Variants in ADCY5 observed in about 807,000 individuals in gnomAD.
The protein encoded by ADCY5 is adenylate cyclase type 5.
In ADCY5, 30 loss-of-function variants were observed where a neutral mutation model predicts 119.7. That is an observed-to-expected ratio of 0.25 (90% CI 0.19 to 0.34). The LOEUF is 0.34. Among genes scored for constraint, ADCY5 ranks in the 10% least tolerant of loss-of-function variants. ADCY5 has a pLI of 1.00. For synonymous variants in ADCY5, 753 were observed against 762.2 expected, an observed-to-expected ratio of 0.99 and a Z score of 0.20; for missense variants, 1,324 against 1,775.2, an observed-to-expected ratio of 0.75 and a Z score of 4.57.
intron 1 of ADCY5, among the ~76,000 whole-genome samples, chr3:123,383,887 T>C (rs1418789578): frequency 6.8e-6 from 1 of 146,250 alleles, no homozygotes; most frequent in Non-Finnish European, 1.5e-5. Flanking sequence ...ACACACACTC[T>C]TCCTCAAGGT....
At position 123,291,164 on chromosome 3, in the gene ADCY5, C is replaced by G; in HGVS notation, c.3276G>C (p.Glu1092Asp). 6.2e-7 allele frequency: 1 copy of G among 1,614,116 alleles called. No individual in the cohort carries two copies. Among genetic ancestry groups the G allele is most frequent in the Non-Finnish European group, 8.5e-7 (1 of 1,180,038 alleles). Residue 1092 changes from glutamate to aspartate, a missense_variant, in exon 18 of 21, where the codon GAG becomes GAC. By Grantham distance (45) the Glu-to-Asp change is conservative. This residue lies in a region of ADCY5 where 178 missense variants were observed against 329.6 expected (regional missense o/e 0.54). Transcript: ENST00000462833. Reference protein sequence around the residue: ...EFYVELEANNEGVECLRLLNE... With the variant: ...EFYVELEANNDGVECLRLLNE... The stretch of plus-strand genomic sequence containing the variant: ...TGAGTAGCCGCAGGCACTCGACACC[C>G]TCGTTGTTGGCCTCCAGCTCAACGT...
chr3:123,411,927 C>G (rs1237191244), intron 1 of ADCY5, among the ~76,000 whole-genome samples: 1 of 152,188 alleles, frequency 6.6e-6, no homozygotes, highest in African/African-American at 2.4e-5. Flanking sequence ...ATCCCCGCAG[C>G]CTGTGGGCCC....
chr3:123,396,799 CAGGCAGGCAGGCAGGCAG>C (rs1944597607), intron 1 of ADCY5, among the ~76,000 whole-genome samples: 1 of 92,194 alleles, frequency 1.1e-5, no homozygotes, highest in African/African-American at 3.5e-5. Flanking sequence ...GGCAGGCAGG[CAGGCAGGCAGGCAGGCAG>C]GCGAGAGAGA....
intron 1 of ADCY5, among the ~76,000 whole-genome samples, chr3:123,355,314 C>A (rs1943001627): frequency 6.6e-6 from 1 of 151,918 alleles, no homozygotes. Context: ...GAGTAAATAC[C>A]AATTGGAAGT....
intron 1 of ADCY5, among the ~76,000 whole-genome samples, chr3:123,405,878 G>A (rs200718892): frequency 1.3e-5 from 2 of 152,114 alleles, no homozygotes; most frequent in East Asian, 3.9e-4. Flanking sequence ...CAAGCGATCT[G>A]CCTGCCTTGG....
chr3:123,311,720 A>G (rs1205817951), intron 12 of ADCY5, among the ~76,000 whole-genome samples: 3 of 152,264 alleles, frequency 2.0e-5, no homozygotes, highest in East Asian at 3.9e-4. Context: ...ATAAGCCACT[A>G]AAATTCTTTA....
intron 12 of ADCY5, among the ~76,000 whole-genome samples, chr3:123,308,119 C>T (rs534442473): frequency 4.7e-5 from 7 of 149,876 alleles, no homozygotes; most frequent in Non-Finnish European, 1.0e-4. Flanking sequence ...CTGCAAGCTC[C>T]GCCTCCCAGG....
intron 12 of ADCY5, among the ~76,000 whole-genome samples, chr3:123,313,649 A>G (rs982087941): frequency 6.6e-6 from 1 of 152,228 alleles, no homozygotes; most frequent in Admixed American, 6.5e-5. Flanking sequence ...ACGGCTGGAC[A>G]GGGGACACAG....
chr3:123,336,859 T>C (rs1227390173), intron 3 of ADCY5, among the ~76,000 whole-genome samples: 1 of 152,202 alleles, frequency 6.6e-6, no homozygotes, highest in Admixed American at 6.5e-5. Context: ...CTAGACCATA[T>C]GGTCCTGGGA....
chr3:123,310,036 G>A (rs944200060), intron 12 of ADCY5, among the ~76,000 whole-genome samples: 2 of 151,578 alleles, frequency 1.3e-5, no homozygotes, highest in Non-Finnish European at 2.9e-5. Context: ...ATCAGGTCCA[G>A]GGGATGAGTA....
At chr3:123,388,498 C>A (rs1461576747) in intron 1 of ADCY5, among the ~76,000 whole-genome samples, 1 of 151,976 alleles carries the variant, frequency 6.6e-6, no homozygotes, top group Admixed American at 6.5e-5. Context: ...CCCCAGGGAG[C>A]AATAACTAAC....
rs1365372289 is a variant in ADCY5 at position 123,296,110 on chromosome 3, G to A, written c.3037C>T (p.Arg1013Cys). The change falls in exon 17 of 21, where the codon CGC becomes TGC. Residue 1013 changes from arginine (R) to cysteine (C), a missense_variant. Transcript: ENST00000462833. ...TGCAGTTTCCAGAGGAAGTCGAGGC[G>A]GGCAGTGGACTCCACCTGCTGGGCG... Reference protein sequence around the residue: ...LHAQQVESTARLDFLWKLQAT... With the variant: ...LHAQQVESTACLDFLWKLQAT... The A allele has an allele frequency of 6.2e-7, 1 of 1,614,026 alleles. No individual in the cohort carries two copies.
rs190196094 is a variant in ADCY5 at position 123,362,116 on chromosome 3, T to G, written c.1135-9535A>C. Among the ~76,000 whole-genome samples, 308 of 152,330 alleles carry G rather than the reference T, an allele frequency of 2.0e-3. 1 individual carries two copies. Among genetic ancestry groups the G allele is most frequent in the African/African-American group, 7.2e-3 (300 of 41,584 alleles). On this transcript the variant is annotated intron_variant, in intron 1 of 20. Transcript: ENST00000462833. ...ACCTTTTGGCTATTATGAATAATGT[T>G]GCTGTGATGAACATTCATGTACAAG...
chr3:123,294,129 C>G (rs899286947), intron 17 of ADCY5, among the ~76,000 whole-genome samples: 1 of 152,092 alleles, frequency 6.6e-6, no homozygotes, highest in African/African-American at 2.4e-5. Context: ...TGGGAATCTG[C>G]GAGTCCAGGC....
intron 3 of ADCY5, among the ~76,000 whole-genome samples, chr3:123,336,702 T>G (rs942099330): frequency 9.9e-5 from 15 of 152,178 alleles, no homozygotes; most frequent in Non-Finnish European, 2.2e-4. Context: ...CAACCTCCTG[T>G]GCCTGCCTGG....
intron 1 of ADCY5, among the ~76,000 whole-genome samples, chr3:123,381,349 A>G (rs4677886): frequency 0.47 from 72,046 of 152,084 alleles, 17,832 homozygotes; most frequent in East Asian, 0.68. Flanking sequence ...CCTGTGCCAC[A>G]TTCAGGGGAA....
intron 16 of ADCY5, chr3:123,297,034 C>CT: frequency 6.5e-7 from 1 of 1,536,114 alleles, no homozygotes; most frequent in East Asian, 2.4e-5. Flanking sequence ...TCTCCTGTGT[C>CT]TGAGGTTCTC....
Position 123,291,095 on chromosome 3 carries a change from C to A in ADCY5, c.3327+18G>T. The A allele has an allele frequency of 6.2e-7, 1 of 1,600,446 alleles. No homozygotes were observed. The highest frequency in any genetic ancestry group is 8.5e-7 in the Non-Finnish European group (1 of 1,171,880). Reference sequence around the variant, plus strand: ...GCCCCTCCCAGGAACACAGCCTGACCCAGGCCCCGCTGTGCACCTCATCAA... The same window carrying A: ...GCCCCTCCCAGGAACACAGCCTGACACAGGCCCCGCTGTGCACCTCATCAA... On this transcript the variant is annotated intron_variant, in intron 18 of 20. Coordinates refer to ENST00000462833, the MANE Select transcript of ADCY5 (RefSeq NM_183357.3).
intron 4 of ADCY5, among the ~76,000 whole-genome samples, chr3:123,332,172 T>C (rs34642857): frequency 0.18 from 27,523 of 152,256 alleles, 2,914 homozygotes; most frequent in Admixed American, 0.26. Context: ...CATTCTCTTA[T>C]CAGTCTGGCC....
Sources: gnomAD v4.1 joint callset for allele counts (sites outside exome capture counted in the v4.1 genomes callset) on GRCh38, gnomAD v4.1.1 for gene constraint, gnomAD v4.1.1 regional missense constraint, MANE v1.5 for transcripts, NCBI Gene and HGNC (gene_info 2026-07-23, HGNC 2026-07-21) for gene names.